EDIL3: variants seen among roughly 807,000 people sequenced by gnomAD.
The protein encoded by EDIL3 is EGF like and discoidin domains 3.
EDIL3 carries 37 observed loss-of-function variants against 67.4 expected under a neutral mutation model. The ratio of observed to expected loss-of-function variants is 0.55; its 90% CI spans 0.42 to 0.72. EDIL3 has a LOEUF of 0.72. Among genes scored for constraint, EDIL3 ranks in the 30% least tolerant of loss-of-function variants. EDIL3 has a pLI of 0.00. For missense variants in EDIL3, 527 were observed against 586.3 expected, an observed-to-expected ratio of 0.90 and a Z score of 1.04; for synonymous variants, 195 against 196.3, an observed-to-expected ratio of 0.99 and a Z score of 0.05.
intron 3 of EDIL3, among the ~76,000 whole-genome samples, chr5:84,191,492 T>C (rs1743584892): frequency 6.6e-6 from 1 of 152,032 alleles, no homozygotes; most frequent in Non-Finnish European, 1.5e-5. Flanking sequence ...CACATGTGGC[T>C]TCCTTGTGGC....
intron 2 of EDIL3, among the ~76,000 whole-genome samples, chr5:84,245,708 G>C (rs1269191904): frequency 2.0e-5 from 3 of 151,956 alleles, no homozygotes; most frequent in Non-Finnish European, 4.4e-5. Context: ...AAAGGGAAAA[G>C]CTGGAAGATA....
chr5:84,336,035 T>C (rs1207982641), intron 1 of EDIL3, among the ~76,000 whole-genome samples: 1 of 152,204 alleles, frequency 6.6e-6, no homozygotes, highest in Non-Finnish European at 1.5e-5. Context: ...CCATCATGAC[T>C]AAGTCACTTC....
chr5:84,177,772 A>C (rs779171329), intron 4 of EDIL3, among the ~76,000 whole-genome samples: 11 of 152,122 alleles, frequency 7.2e-5, no homozygotes, highest in South Asian at 2.1e-4. Context: ...ACATTTTAAA[A>C]AGCATATGGA....
At chr5:84,159,681 AACATAAATTTTAAAATAATGAGAT>A (rs1482761325) in intron 4 of EDIL3, among the ~76,000 whole-genome samples, 4 of 152,040 alleles carry the variant, frequency 2.6e-5, no homozygotes, top group African/African-American at 7.2e-5. Flanking sequence ...GTATATAGGA[AACATAAATTTTAAAATAATGAGAT>A]ATGGTTACAA....
chr5:84,358,592 C>CTTTTTTTTTTTTTT (rs756013675), intron 1 of EDIL3, among the ~76,000 whole-genome samples: 1 of 94,560 alleles, frequency 1.1e-5, no homozygotes, highest in African/African-American at 4.0e-5. Flanking sequence ...CATTTTTATC[C>CTTTTTTTTTTTTTT]TTTTTTTTTT....
rs138994627 is a variant in EDIL3 at position 84,158,728 on chromosome 5, C to T, written c.356-21374G>A. On this transcript the variant is annotated intron_variant, in intron 4 of 10. Transcript: ENST00000296591. ...AATCATTGGCTTTATGTCTGGAAACCTTTATCCTAAGATGTTTAGAAATAC... is the reference window on the plus strand; with the variant it reads ...AATCATTGGCTTTATGTCTGGAAACTTTTATCCTAAGATGTTTAGAAATAC... Among the ~76,000 whole-genome samples the T allele has an allele frequency of 6.5e-4, 99 of 152,070 alleles. 1 individual carries two copies. Among genetic ancestry groups the T allele is most frequent in the African/African-American group, 2.3e-3 (96 of 41,536 alleles).
intron 1 of EDIL3, among the ~76,000 whole-genome samples, chr5:84,274,829 A>G (rs1745544737): frequency 6.6e-6 from 1 of 152,048 alleles, no homozygotes. Flanking sequence ...AGACCTTCAG[A>G]GCACAGTAGT....
chr5:84,287,519 T>C (rs886067934), intron 1 of EDIL3, among the ~76,000 whole-genome samples: 4 of 152,150 alleles, frequency 2.6e-5, no homozygotes, highest in African/African-American at 7.2e-5. Flanking sequence ...CAATTTGGAA[T>C]TCAGGTTGAA....
intron 3 of EDIL3, among the ~76,000 whole-genome samples, chr5:84,221,655 T>C (rs1561226174): frequency 1.3e-5 from 2 of 152,044 alleles, no homozygotes; most frequent in African/African-American, 2.4e-5. Context: ...GATTGTTTTT[T>C]CCCTGTTCCT....
At chr5:84,085,920 T>C (rs1747060979) in intron 6 of EDIL3, among the ~76,000 whole-genome samples, 2 of 152,192 alleles carry the variant, frequency 1.3e-5, no homozygotes, top group Non-Finnish European at 2.9e-5. Context: ...AAAAACAGTC[T>C]GGCCACAGCT....
At chr5:84,242,479 G>A (rs572602950) in intron 2 of EDIL3, among the ~76,000 whole-genome samples, 1 of 152,234 alleles carries the variant, frequency 6.6e-6, no homozygotes, top group South Asian at 2.1e-4. Context: ...AGCATGCTCA[G>A]CATGTAAGAA....
intron 3 of EDIL3, among the ~76,000 whole-genome samples, chr5:84,193,265 T>C (rs1311918715): frequency 2.0e-5 from 3 of 151,878 alleles, no homozygotes; most frequent in Non-Finnish European, 4.4e-5. Context: ...CGAAGTGTGA[T>C]AGGACGCCTG....
chr5:84,321,829 CACA>C (rs1283980270), intron 1 of EDIL3, among the ~76,000 whole-genome samples: 1 of 152,080 alleles, frequency 6.6e-6, no homozygotes, highest in Non-Finnish European at 1.5e-5. Flanking sequence ...TTTAAAGGAC[CACA>C]ACATCATCCA....
chr5:84,299,231 C>T (rs1043092764), intron 1 of EDIL3, among the ~76,000 whole-genome samples: 1 of 151,958 alleles, frequency 6.6e-6, no homozygotes, highest in Non-Finnish European at 1.5e-5. Flanking sequence ...GGTATATACA[C>T]ATTTTTTAAA....
At chr5:84,156,810 G>A (rs1748499289) in intron 4 of EDIL3, among the ~76,000 whole-genome samples, 1 of 152,082 alleles carries the variant, frequency 6.6e-6, no homozygotes, top group South Asian at 2.1e-4. Flanking sequence ...AATAATCTTG[G>A]TCCCAGAGTT....
intron 9 of EDIL3, among the ~76,000 whole-genome samples, chr5:84,001,680 G>A (rs1174696552): frequency 1.3e-5 from 2 of 151,964 alleles, no homozygotes; most frequent in African/African-American, 4.8e-5. Context: ...CCAGCAAATT[G>A]GAAAACCTAG....
chr5:83,996,233 G>A (rs1376076693), intron 9 of EDIL3, among the ~76,000 whole-genome samples: 1 of 152,174 alleles, frequency 6.6e-6, no homozygotes, highest in Non-Finnish European at 1.5e-5. Flanking sequence ...TTACAGTGTT[G>A]AGTAGAATTT....
At chr5:84,381,125 G>C (rs548515724) in intron 1 of EDIL3, among the ~76,000 whole-genome samples, 2 of 152,028 alleles carry the variant, frequency 1.3e-5, no homozygotes, top group African/African-American at 4.8e-5. Context: ...ATTTTTTCCT[G>C]ATTTTTAAAA....
At chr5:83,989,093 G>A (rs1745105392) in intron 9 of EDIL3, among the ~76,000 whole-genome samples, 1 of 152,148 alleles carries the variant, frequency 6.6e-6, no homozygotes, top group South Asian at 2.1e-4. Context: ...CTTTCATGTA[G>A]TTCAGGATAA....
Sources: allele counts gnomAD v4.1 joint callset (sites outside exome capture counted in the v4.1 genomes callset), GRCh38; gene constraint gnomAD v4.1.1; transcripts MANE v1.5; gene names NCBI Gene and HGNC (gene_info 2026-07-23, HGNC 2026-07-21).